Variants in MEAK7 observed in about 807,000 individuals in gnomAD.
MEAK7 encodes MTOR-associated protein MEAK7.
A neutral mutation model predicts 40.5 loss-of-function variants in MEAK7; 68 were observed. That is an observed-to-expected ratio of 1.68 (90% CI 1.38 to 2.06). MEAK7 has a LOEUF of 2.06. Among genes scored for constraint, MEAK7 ranks in the 30% most tolerant of loss-of-function variants. MEAK7 has a pLI of 0.00. For missense variants in MEAK7, 918 were observed against 580.5 expected, an observed-to-expected ratio of 1.58 and a Z score of -5.98; for synonymous variants, 338 against 231.9, an observed-to-expected ratio of 1.46 and a Z score of -4.16.
chr16:84,488,149 C>T (rs1049325445), intron 4 of MEAK7: 6 of 152,064 alleles, frequency 3.9e-5, no homozygotes, highest in South Asian at 2.1e-4. Context: ...TAATTTTAAT[C>T]GTCTGAATTA....
chr16:84,479,928 G>A lies in MEAK7; in HGVS notation c.1356C>T (p.Val452=), dbSNP rs2150620971. The change falls in exon 8 of 8, where the codon GTC becomes GTT. Residue 452 remains valine, a synonymous_variant. Coordinates refer to ENST00000343629, the MANE Select transcript of MEAK7 (RefSeq NM_020947.4). ...HSRHSEGLRE[V]PDDE ...AGGCGGCTCCTCATTCATCGTCCGG[G>A]ACTTCCCGGAGCCCTTCGCTGTGGC... 1.2e-6 allele frequency: 2 copies of A among 1,605,586 alleles called. No individual in the cohort carries two copies. The highest frequency in any genetic ancestry group is 1.1e-5 in the South Asian group (1 of 90,494).
chr16:84,495,680 T>C lies in MEAK7; in HGVS notation c.384+3A>G, dbSNP rs1357641338. ...GCTGCAAAGGACCTCGCGGCCTCAC[T>C]ACCTTTTGGACTTCTCTGGCCTTCA... On this transcript the variant is annotated splice_donor_region_variant and intron_variant, in intron 3 of 7. Coordinates refer to ENST00000343629, the MANE Select transcript of MEAK7 (RefSeq NM_020947.4). 3.1e-6 allele frequency: 5 copies of C among 1,614,012 alleles called. No homozygotes were observed.
intron 4 of MEAK7, chr16:84,488,039 G>C (rs1913247498): frequency 1.3e-5 from 2 of 152,122 alleles, no homozygotes; most frequent in African/African-American, 4.8e-5. Flanking sequence ...AAATGTAAAA[G>C]TACTCCCAAC....
At chr16:84,488,911 C>G (rs532177328) in intron 4 of MEAK7, among the ~76,000 whole-genome samples, 3 of 152,004 alleles carry the variant, frequency 2.0e-5, no homozygotes, top group African/African-American at 7.2e-5. Context: ...TTAAAGCAAA[C>G]AGAAGGAAGA....
At chr16:84,480,378 C>T (rs1306002754) in intron 7 of MEAK7, 151 bp downstream of exon 7, 1 of 974,254 alleles carries the variant, frequency 1.0e-6, no homozygotes, top group Non-Finnish European at 1.5e-6. Flanking sequence ...AGCCATGCAT[C>T]TCCTGGCATC....
At chr16:84,501,685 G>A (rs1914518025) in intron 1 of MEAK7, among the ~76,000 whole-genome samples, 1 of 152,120 alleles carries the variant, frequency 6.6e-6, no homozygotes, top group South Asian at 2.1e-4. Flanking sequence ...GCCCCAGTAG[G>A]AACCCCAGGG....
At chr16:84,504,274 T>A in intron 1 of MEAK7, 1 of 519,338 alleles carries the variant, frequency 1.9e-6, no homozygotes, top group Non-Finnish European at 2.5e-6. Context: ...CTACACAGGC[T>A]CTGAATCCCC....
Position 84,482,691 on chromosome 16 carries a change from C to T in MEAK7, c.978G>A (p.Leu326=), listed in dbSNP as rs1283498592. 9.3e-6 allele frequency: 15 copies of T among 1,614,194 alleles called. No homozygotes were observed. The highest frequency in any genetic ancestry group is 1.3e-5 in the Non-Finnish European group (15 of 1,180,022). Residue 326 remains leucine, a synonymous_variant, in exon 6 of 8, where the codon CTG becomes CTA. Coordinates refer to ENST00000343629, the MANE Select transcript of MEAK7 (RefSeq NM_020947.4). ...PQFQGDNRCF[L]FSICPSMAVY... ...CAGCCATGCTGGGGCAGATGGAGAA[C>T]AGGAAGCATCTGTTGTCCCCTGAAA... is the stretch of plus-strand genomic sequence containing the variant.
At chr16:84,480,797 G>C (rs558010707) in intron 6 of MEAK7, 89 bp from the exon 7 acceptor site, 17 of 1,431,686 alleles carry the variant, frequency 1.2e-5, no homozygotes, top group Non-Finnish European at 1.6e-5. Context: ...CTCGCCTTAA[G>C]TACCAGCCTG....
intron 3 of MEAK7, 93 bp from the exon 4 acceptor site, chr16:84,489,515 C>T (rs1913388220): frequency 7.1e-7 from 1 of 1,414,530 alleles, no homozygotes; most frequent in Non-Finnish European, 9.6e-7. Context: ...TTCTTTAACA[C>T]CAACTATGAT....
chr16:84,490,978 C>T (rs902064980), intron 3 of MEAK7, among the ~76,000 whole-genome samples: 2 of 151,692 alleles, frequency 1.3e-5, no homozygotes, highest in African/African-American at 4.9e-5. Flanking sequence ...AGCTCTTAAG[C>T]TGCTTTTCTA....
intron 3 of MEAK7, among the ~76,000 whole-genome samples, chr16:84,489,749 C>G (rs780117366): frequency 2.8e-4 from 43 of 152,204 alleles, no homozygotes; most frequent in Non-Finnish European, 5.3e-4. Flanking sequence ...AGGAGCTACC[C>G]CCTCCAGAAA....
chr16:84,500,385 T>G (rs987298510), intron 1 of MEAK7, among the ~76,000 whole-genome samples: 2 of 152,202 alleles, frequency 1.3e-5, no homozygotes, highest in Non-Finnish European at 2.9e-5. Flanking sequence ...CCAAGTGCTC[T>G]CCACTCTATA....
intron 1 of MEAK7, among the ~76,000 whole-genome samples, chr16:84,502,177 G>C (rs1252308635): frequency 6.6e-6 from 1 of 152,054 alleles, no homozygotes; most frequent in Non-Finnish European, 1.5e-5. Context: ...GCTGGTGCTG[G>C]TGCTGACAGC....
chr16:84,489,843 C>T (rs1481685616), intron 3 of MEAK7, among the ~76,000 whole-genome samples: 3 of 152,164 alleles, frequency 2.0e-5, no homozygotes, highest in African/African-American at 7.2e-5. Context: ...GGCAAGTCTT[C>T]CTGTTTCCAT....
intron 3 of MEAK7, among the ~76,000 whole-genome samples, chr16:84,491,577 G>A (rs1014533603): frequency 4.2e-5 from 6 of 142,900 alleles, no homozygotes; most frequent in East Asian, 4.2e-4. Context: ...GGTGACTCAC[G>A]CCTATAATCC....
chr16:84,495,610 C>A (rs1913970445), intron 3 of MEAK7, 73 bp downstream of exon 3: 3 of 1,424,518 alleles, frequency 2.1e-6, no homozygotes, highest in Admixed American at 3.4e-5. Context: ...TGCCATGTAA[C>A]TGGCCTCCAT....
chr16:84,486,816 A>T lies in MEAK7; in HGVS notation c.773T>A (p.Leu258Gln), dbSNP rs1249055021. 1 of 1,614,050 alleles carries T rather than the reference A, an allele frequency of 6.2e-7. No individual in the cohort carries two copies. Among genetic ancestry groups the T allele is most frequent in the Non-Finnish European group, 8.5e-7 (1 of 1,179,912 alleles). ...VLSVMYINAQ[L>Q]PREQRHRWCL... is the part of the protein sequence containing the mutation. ...CCAGCGGTGCCGCTGCTCCCGAGGC[A>T]GCTGGGCGTTGATGTACATGACAGA... is the stretch of plus-strand genomic sequence containing the variant. The change falls in exon 5 of 8, where the codon CTG becomes CAG. Residue 258 changes from leucine (L) to glutamine (Q), a missense_variant. Leu to Gln is a moderately radical substitution (Grantham distance 113). Coordinates refer to ENST00000343629, the MANE Select transcript of MEAK7 (RefSeq NM_020947.4).
rs374960088 is a variant in MEAK7, at chr16:84,500,729, G to A, written c.-25-2618C>T. Among the ~76,000 whole-genome samples the A allele has an allele frequency of 2.2e-4, 34 of 152,240 alleles. 1 individual carries two copies. In the East Asian group the frequency reaches 5.6e-3, roughly 25 times the overall value. The stretch of plus-strand genomic sequence containing the variant: ...CTCCAGCCTGGACTCAATGTCCAGC[G>A]GCAGGCGGCTGTCCCCAGCTCTGAA... On this transcript the variant is annotated intron_variant, in intron 1 of 7. Coordinates refer to ENST00000343629, the MANE Select transcript of MEAK7 (RefSeq NM_020947.4).
Sources: gnomAD v4.1 joint callset for allele counts (sites outside exome capture counted in the v4.1 genomes callset) on GRCh38, gnomAD v4.1.1 for gene constraint, MANE v1.5 for transcripts, NCBI Gene and HGNC (gene_info 2026-07-23, HGNC 2026-07-21) for gene names.